The following ALKAL1 variants were observed in gnomAD, a reference collection of about 807,000 sequenced individuals.
ALKAL1 encodes the protein ALK and LTK ligand 1, also known as AUG-beta.
A neutral mutation model predicts 13.5 loss-of-function variants in ALKAL1; 23 were observed. The observed-to-expected ratio is 1.70, with a 90% CI of 1.23 to 2.41. The LOEUF (loss-of-function observed/expected upper bound fraction) is 2.41, where lower values mean the gene tolerates loss of function less well. ALKAL1 is among the 30% of genes most tolerant of loss of function. ALKAL1 has a pLI of 0.00. For synonymous variants in ALKAL1, 85 were observed against 77.7 expected (o/e 1.09, Z -0.49); for missense variants, 181 against 178.4 (o/e 1.01, Z -0.08).
intron 1 of ALKAL1, among the ~76,000 whole-genome samples, chr8:52,561,282 G>T (rs1847548311): frequency 6.6e-6 from 1 of 152,164 alleles, no homozygotes; most frequent in African/African-American, 2.4e-5. Context: ...ATTTAAGTAT[G>T]TCTAGTTTTT....
intron 4 of ALKAL1, among the ~76,000 whole-genome samples, chr8:52,536,702 A>AT (rs140544032): frequency 0.16 from 23,825 of 152,136 alleles, 2,020 homozygotes; most frequent in African/African-American, 0.21. Context: ...TTTATTATCT[A>AT]TTTTGGACAG....
At chr8:52,552,038 T>A (rs1437304374) in intron 1 of ALKAL1, among the ~76,000 whole-genome samples, 2 of 152,210 alleles carry the variant, frequency 1.3e-5, no homozygotes, top group African/African-American at 4.8e-5. Flanking sequence ...TTTCTGTCAC[T>A]TTTCCTTGAT....
chr8:52,558,900 G>T (rs1165562729), intron 1 of ALKAL1, among the ~76,000 whole-genome samples: 1 of 152,154 alleles, frequency 6.6e-6, no homozygotes, highest in Non-Finnish European at 1.5e-5. Flanking sequence ...GAAAGCTCAA[G>T]ATTGGGCATC....
intron 1 of ALKAL1, among the ~76,000 whole-genome samples, chr8:52,551,369 A>G (rs567597308): frequency 6.6e-6 from 1 of 152,122 alleles, no homozygotes; most frequent in South Asian, 2.1e-4. Flanking sequence ...ATCATAGCTC[A>G]CTGCAGCTTC....
intron 1 of ALKAL1, among the ~76,000 whole-genome samples, chr8:52,552,836 T>C (rs903729309): frequency 2.0e-5 from 3 of 152,240 alleles, no homozygotes; most frequent in Admixed American, 2.0e-4. Flanking sequence ...TCTGTCCTAG[T>C]CTTGGTTTTA....
At chr8:52,535,230 T>C (rs1465832995) in intron 4 of ALKAL1, among the ~76,000 whole-genome samples, 1 of 152,032 alleles carries the variant, frequency 6.6e-6, no homozygotes, top group Non-Finnish European at 1.5e-5. Context: ...AAGTGAATTA[T>C]CTTGATTCAT....
chr8:52,556,178 AG>A (rs1157812710), intron 1 of ALKAL1, among the ~76,000 whole-genome samples: 2 of 152,222 alleles, frequency 1.3e-5, no homozygotes, highest in African/African-American at 4.8e-5. Context: ...AGAGTTTTCC[AG>A]TATATTTCAA....
At chr8:52,554,149 G>C (rs187991617) in intron 1 of ALKAL1, among the ~76,000 whole-genome samples, 3 of 152,132 alleles carry the variant, frequency 2.0e-5, no homozygotes, top group African/African-American at 4.8e-5. Context: ...GCTTGAATCC[G>C]GGAGGTGGAG....
intron 1 of ALKAL1, among the ~76,000 whole-genome samples, chr8:52,547,854 T>C (rs886219757): frequency 6.6e-6 from 1 of 152,250 alleles, no homozygotes; most frequent in African/African-American, 2.4e-5. Flanking sequence ...TTATTTTAAC[T>C]AAGTATAGCC....
intron 1 of ALKAL1, among the ~76,000 whole-genome samples, chr8:52,554,652 G>A (rs1294225108): frequency 2.0e-5 from 3 of 152,184 alleles, no homozygotes; most frequent in Admixed American, 6.5e-5. Context: ...GAAAAAGGAA[G>A]AAGATACCTT....
chr8:52,560,480 A>G (rs1847537040), intron 1 of ALKAL1, among the ~76,000 whole-genome samples: 1 of 152,200 alleles, frequency 6.6e-6, no homozygotes, highest in South Asian at 2.1e-4. Flanking sequence ...TCTGCTCTCA[A>G]ATGTCATTTC....
At chr8:52,560,573 G>T (rs1366075115) in intron 1 of ALKAL1, among the ~76,000 whole-genome samples, 2 of 152,204 alleles carry the variant, frequency 1.3e-5, no homozygotes, top group Admixed American at 6.5e-5. Context: ...ACCAATATGT[G>T]ATTGGAAAGT....
At chr8:52,547,678 A>G (rs1847383934) in intron 1 of ALKAL1, among the ~76,000 whole-genome samples, 1 of 152,178 alleles carries the variant, frequency 6.6e-6, no homozygotes. Flanking sequence ...AAAAGTAAAA[A>G]GAAATGTGTG....
At chr8:52,544,403 G>A (rs1156287958) in intron 1 of ALKAL1, among the ~76,000 whole-genome samples, 1 of 152,208 alleles carries the variant, frequency 6.6e-6, no homozygotes, top group Admixed American at 6.5e-5. Context: ...GGGGAAGACT[G>A]CAGCGTGTTC....
intron 1 of ALKAL1, among the ~76,000 whole-genome samples, chr8:52,546,510 AG>A (rs1357605565): frequency 4.6e-5 from 7 of 152,200 alleles, no homozygotes; most frequent in Non-Finnish European, 1.0e-4. Flanking sequence ...TGGCTTACTC[AG>A]GCATGTCTGG....
At chr8:52,553,622 A>G (rs1248689538) in intron 1 of ALKAL1, among the ~76,000 whole-genome samples, 1 of 152,208 alleles carries the variant, frequency 6.6e-6, no homozygotes, top group African/African-American at 2.4e-5. Context: ...GTCCTTTCAA[A>G]GTCCTCCTAT....
rs113365665 is a variant in ALKAL1, at chr8:52,557,759, C to T, written c.190+7308G>A. 5.7e-3 allele frequency among the ~76,000 whole-genome samples: 867 copies of T among 152,180 alleles called. 9 individuals are homozygous for T. The highest frequency in any genetic ancestry group is 0.019 in the African/African-American group (807 of 41,512). On this transcript the variant is annotated intron_variant, in intron 1 of 4. Coordinates refer to ENST00000358543, the MANE Select transcript of ALKAL1 (RefSeq NM_207413.4). ...TAGCACTCTGGAAGGCAAAAGACTG[C>T]AGATCACTTGAGGTCAGGAGTTTGA...
Position 52,563,419 on chromosome 8 carries a change from G to A in ALKAL1, c.190+1648C>T, listed in dbSNP as rs143584058. On this transcript the variant is annotated intron_variant, in intron 1 of 4. Coordinates refer to ENST00000358543, the MANE Select transcript of ALKAL1 (RefSeq NM_207413.4). ...GCACTCCAGCCTGGGAGACAGGAGCGAAACTCCGTCTCTAAATAAATAAAT... is the reference window on the plus strand; with the variant it reads ...GCACTCCAGCCTGGGAGACAGGAGCAAAACTCCGTCTCTAAATAAATAAAT... Among the ~76,000 whole-genome samples the A allele has an allele frequency of 3.4e-3, 513 of 152,216 alleles. 2 individuals are homozygous for A. Among genetic ancestry groups the A allele is most frequent in the African/African-American group, 0.012 (478 of 41,536 alleles).
intron 1 of ALKAL1, among the ~76,000 whole-genome samples, chr8:52,557,207 T>C (rs564380138): frequency 6.6e-6 from 1 of 152,364 alleles, no homozygotes; most frequent in Admixed American, 6.5e-5. Context: ...CCATGGCTGA[T>C]GCCCGGGTGG....
Sources: gnomAD v4.1 joint callset for allele counts (sites outside exome capture counted in the v4.1 genomes callset) on GRCh38, gnomAD v4.1.1 for gene constraint, MANE v1.5 for transcripts, NCBI Gene and HGNC (gene_info 2026-07-23, HGNC 2026-07-21) for gene names.